The following GNAI3 variants were observed in gnomAD, a reference collection of about 807,000 sequenced individuals.
GNAI3 encodes the protein G protein subunit alpha i3, also known as guanine nucleotide-binding protein G(i) subunit alpha-3.
A neutral mutation model predicts 41.8 loss-of-function variants in GNAI3; 12 were observed. The ratio of observed to expected loss-of-function variants is 0.29; its 90% CI spans 0.18 to 0.47. GNAI3 has a LOEUF of 0.47. GNAI3 is among the 20% of genes least tolerant of loss of function. GNAI3 has a pLI of 1.00. For missense variants in GNAI3, 360 were observed against 429.6 expected, an observed-to-expected ratio of 0.84 and a Z score of 1.43; for synonymous variants, 132 against 146.5, an observed-to-expected ratio of 0.90 and a Z score of 0.71.
At chr1:109,575,544 T>C (rs1465396328) in intron 3 of GNAI3, among the ~76,000 whole-genome samples, 8 of 134,456 alleles carry the variant, frequency 5.9e-5, no homozygotes, top group Non-Finnish European at 1.1e-4. Context: ...CTTTTTTTTT[T>C]TTTTTTTTTT....
At position 109,573,776 on chromosome 1, in the gene GNAI3, T is replaced by G; in HGVS notation, c.158T>G (p.Met53Arg). The change falls in exon 2 of 9, where the codon ATG becomes AGG. Residue 53 changes from methionine to arginine, a missense_variant. By Grantham distance (91) the Met-to-Arg change is moderately conservative (BLOSUM62 -1). Coordinates refer to ENST00000369851, the MANE Select transcript of GNAI3 (RefSeq NM_006496.4). The stretch of plus-strand genomic sequence containing the variant: ...GGTAAAAGCACCATTGTGAAACAGA[T>G]GAAGTAAGTTGGAATGTAGCGTTTT... Reference protein sequence around the residue: ...ESGKSTIVKQMKIIHEDGYSE... With the variant: ...ESGKSTIVKQRKIIHEDGYSE... 1 of 1,611,372 alleles carries G rather than the reference T, an allele frequency of 6.2e-7. No individual in the cohort carries two copies. The highest frequency in any genetic ancestry group is 8.5e-7 in the Non-Finnish European group (1 of 1,177,510).
chr1:109,585,596 G>T (rs2101109142), intron 5 of GNAI3, among the ~76,000 whole-genome samples: 1 of 152,184 alleles, frequency 6.6e-6, no homozygotes, highest in African/African-American at 2.4e-5. Flanking sequence ...AGTGCAAATA[G>T]GGCATTTAGA....
At chr1:109,573,713 A>C (rs961246467) in intron 1 of GNAI3, 24 bp from the exon 2 acceptor site, 3 of 1,575,298 alleles carry the variant, frequency 1.9e-6, no homozygotes, top group African/African-American at 1.3e-5. Flanking sequence ...GAGAAATTCA[A>C]AGTCTGGTTT....
chr1:109,577,269 G>GTTTT (rs1395067814), intron 3 of GNAI3, among the ~76,000 whole-genome samples: 2 of 139,000 alleles, frequency 1.4e-5, no homozygotes, highest in African/African-American at 5.4e-5. Context: ...TAGCTAAGGT[G>GTTTT]TTTTTTTTGT....
At chr1:109,588,771 T>C (rs933491173) in intron 7 of GNAI3, among the ~76,000 whole-genome samples, 2 of 151,960 alleles carry the variant, frequency 1.3e-5, no homozygotes, top group Non-Finnish European at 2.9e-5. Flanking sequence ...TGTGCGCCTG[T>C]AATCCCAGCT....
At chr1:109,573,640 C>T in intron 1 of GNAI3, 97 bp from the exon 2 acceptor site, 1 of 988,720 alleles carries the variant, frequency 1.0e-6, no homozygotes, top group South Asian at 1.4e-5. Flanking sequence ...TCCCTAGGAC[C>T]CGTGGTTTTC....
At chr1:109,575,511 T>C (rs1016478410) in intron 3 of GNAI3, among the ~76,000 whole-genome samples, 6 of 151,374 alleles carry the variant, frequency 4.0e-5, no homozygotes, top group Non-Finnish European at 8.8e-5. Context: ...TCTTCCTTTA[T>C]TTATCTCCCT....
intron 1 of GNAI3, among the ~76,000 whole-genome samples, chr1:109,553,541 A>G (rs1035696554): frequency 6.6e-6 from 1 of 152,162 alleles, no homozygotes; most frequent in Non-Finnish European, 1.5e-5. Flanking sequence ...CCATTACATT[A>G]TATCCTCCTA....
chr1:109,553,760 G>C (rs1648067095), intron 1 of GNAI3, among the ~76,000 whole-genome samples: 2 of 152,070 alleles, frequency 1.3e-5, no homozygotes, highest in South Asian at 4.1e-4. Context: ...GTTTGGTTAC[G>C]TGAATAAGTT....
intron 5 of GNAI3, among the ~76,000 whole-genome samples, chr1:109,584,907 G>A (rs1557911387): frequency 6.6e-6 from 1 of 152,190 alleles, no homozygotes; most frequent in Non-Finnish European, 1.5e-5. Context: ...CCTAAAACCT[G>A]TATTGTGACC....
intron 1 of GNAI3, among the ~76,000 whole-genome samples, chr1:109,554,648 C>T (rs1557901722): frequency 6.6e-6 from 1 of 152,068 alleles, no homozygotes; most frequent in African/African-American, 2.4e-5. Context: ...AGATTTTCTC[C>T]CACTCTGGGT....
chr1:109,550,778 C>A (rs1236532167), intron 1 of GNAI3, among the ~76,000 whole-genome samples: 1 of 152,192 alleles, frequency 6.6e-6, no homozygotes, highest in East Asian at 1.9e-4. Flanking sequence ...TGTGATCCAC[C>A]CGCCTTGGCC....
chr1:109,582,349 G>C (rs1648916963), intron 4 of GNAI3, 88 bp from the exon 5 acceptor site: 3 of 961,158 alleles, frequency 3.1e-6, no homozygotes, highest in Non-Finnish European at 4.8e-6. Context: ...ACTAGTAACA[G>C]GTTTAAAATA....
At chr1:109,565,149 A>C (rs1481497397) in intron 1 of GNAI3, among the ~76,000 whole-genome samples, 2 of 151,876 alleles carry the variant, frequency 1.3e-5, no homozygotes, top group Non-Finnish European at 2.9e-5. Context: ...CTGTAATCCC[A>C]GCTACTTGGG....
At chr1:109,557,787 G>A (rs1292025510) in intron 1 of GNAI3, among the ~76,000 whole-genome samples, 2 of 152,086 alleles carry the variant, frequency 1.3e-5, no homozygotes, top group Non-Finnish European at 2.9e-5. Flanking sequence ...GTATCAGATT[G>A]GCCCAGCCTT....
Position 109,599,529 on chromosome 1 carries a change from TAAA to T in GNAI3, c.*7211_*7213del, listed in dbSNP as rs1649393750. ...GTGTCAATCATATTGTATTTTTGTC[TAAA>T]AAAGGAAAACTATCAGATTTATGTG... On this transcript the variant is annotated 3_prime_UTR_variant, in exon 9 of 9. Coordinates refer to ENST00000369851, the MANE Select transcript of GNAI3 (RefSeq NM_006496.4). 6.6e-6 allele frequency: 1 copy of T among 152,192 alleles called. No homozygotes were observed. The allele number at this position is 152,192 out of a possible 1,614,324, so 9.4% of individuals were successfully genotyped here. A position where few individuals can be genotyped will look rare whatever the true frequency, so the allele number is the denominator to read the frequency against.
At chr1:109,562,654 A>T (rs1648342755) in intron 1 of GNAI3, among the ~76,000 whole-genome samples, 3 of 152,202 alleles carry the variant, frequency 2.0e-5, no homozygotes, top group Admixed American at 6.5e-5. Flanking sequence ...AGGCATCCTT[A>T]TCTGGCAACT....
At chr1:109,584,549 C>G (rs1010711199) in intron 5 of GNAI3, among the ~76,000 whole-genome samples, 2 of 152,306 alleles carry the variant, frequency 1.3e-5, no homozygotes, top group South Asian at 2.1e-4. Flanking sequence ...AGGTGCCACA[C>G]CTACTTGATT....
At chr1:109,557,481 A>T (rs1020737727) in intron 1 of GNAI3, among the ~76,000 whole-genome samples, 2 of 152,196 alleles carry the variant, frequency 1.3e-5, no homozygotes, top group African/African-American at 4.8e-5. Context: ...CACTCATACA[A>T]GTCACAAGTA....
Sources: gnomAD v4.1 joint callset for allele counts (sites outside exome capture counted in the v4.1 genomes callset) on GRCh38, gnomAD v4.1.1 for gene constraint, MANE v1.5 for transcripts, NCBI Gene and HGNC (gene_info 2026-07-23, HGNC 2026-07-21) for gene names.